PHACTR3: variants seen among roughly 807,000 people sequenced by gnomAD.
PHACTR3 encodes the protein phosphatase and actin regulator 3.
In PHACTR3, 16 loss-of-function variants were observed where a neutral mutation model predicts 66.8. The observed-to-expected ratio is 0.24, with a 90% CI of 0.16 to 0.36. The LOEUF (loss-of-function observed/expected upper bound fraction) is 0.36, where lower values mean the gene tolerates loss of function less well. Among genes scored for constraint, PHACTR3 ranks in the 10% least tolerant of loss-of-function variants. The pLI, the probability that PHACTR3 is intolerant of heterozygous loss-of-function variation, is 1.00. For synonymous variants in PHACTR3, 323 were observed against 292.1 expected (o/e 1.11, Z -1.08); for missense variants, 647 against 719.9 (o/e 0.90, Z 1.16).
intron 9 of PHACTR3, among the ~76,000 whole-genome samples, chr20:59,838,867 G>A (rs2059010641): frequency 6.6e-6 from 1 of 152,054 alleles, no homozygotes; most frequent in Non-Finnish European, 1.5e-5. Flanking sequence ...TATCACTAAG[G>A]GGAGCTCAGA....
At chr20:59,582,204 C>G (rs576493671) in intron 1 of PHACTR3, among the ~76,000 whole-genome samples, 21 of 152,300 alleles carry the variant, frequency 1.4e-4, no homozygotes, top group African/African-American at 4.6e-4. Context: ...TAAGCATGTG[C>G]TTTTTAAAGA....
chr20:59,598,039 C>T (rs552743179), intron 1 of PHACTR3, among the ~76,000 whole-genome samples: 1 of 152,306 alleles, frequency 6.6e-6, no homozygotes, highest in South Asian at 2.1e-4. Context: ...GGAAAAGTCA[C>T]CTGGAGGTCT....
chr20:59,587,257 C>T (rs1432343773), intron 1 of PHACTR3, among the ~76,000 whole-genome samples: 6 of 152,202 alleles, frequency 3.9e-5, no homozygotes, highest in Non-Finnish European at 5.9e-5. Context: ...TATGAGCGCA[C>T]CTTTCTTCCG....
intron 1 of PHACTR3, among the ~76,000 whole-genome samples, chr20:59,719,632 G>A (rs895401836): frequency 6.6e-6 from 1 of 152,134 alleles, no homozygotes; most frequent in African/African-American, 2.4e-5. Flanking sequence ...GCAACCCCTA[G>A]CTTACTTGAA....
In PHACTR3 at chr20:59,808,294, C is replaced by T. The variant is rs188240948; in HGVS notation, c.1328+2100C>T. 8.8e-4 allele frequency among the ~76,000 whole-genome samples: 134 copies of T among 152,370 alleles called. 2 individuals carry two copies. The highest frequency in any genetic ancestry group is 1.7e-3 in the Non-Finnish European group (115 of 68,038). ...GTGCCAAGAGCCACTGAGCAGGCAT[C>T]GGTGGGCTTTCAGAGGAAAGTCATG... On this transcript the variant is annotated intron_variant, in intron 8 of 12. Coordinates refer to ENST00000371015, the MANE Select transcript of PHACTR3 (RefSeq NM_080672.5).
intron 1 of PHACTR3, among the ~76,000 whole-genome samples, chr20:59,710,910 C>A (rs966373710): frequency 2.6e-5 from 4 of 151,840 alleles, no homozygotes; most frequent in Admixed American, 2.6e-4. Context: ...AAAATAAAGT[C>A]TTTTTTCTTT....
chr20:59,683,268 G>C (rs142143109), intron 1 of PHACTR3, among the ~76,000 whole-genome samples: 173 of 152,300 alleles, frequency 1.1e-3, no homozygotes, highest in African/African-American at 3.9e-3. Flanking sequence ...TGGCTACAGT[G>C]AATTTGGAGC....
At chr20:59,707,046 G>A (rs945574861) in intron 1 of PHACTR3, among the ~76,000 whole-genome samples, 1 of 152,118 alleles carries the variant, frequency 6.6e-6, no homozygotes, top group Non-Finnish European at 1.5e-5. Context: ...AAAATAGTCC[G>A]ACTTGAGCTG....
chr20:59,592,466 TC>T (rs1173916463), intron 1 of PHACTR3, among the ~76,000 whole-genome samples: 1 of 152,188 alleles, frequency 6.6e-6, no homozygotes, highest in East Asian at 1.9e-4. Context: ...TCACCCACAG[TC>T]CCTGGTTTAC....
intron 1 of PHACTR3, among the ~76,000 whole-genome samples, chr20:59,608,609 T>C (rs1442427048): frequency 6.6e-6 from 1 of 152,176 alleles, no homozygotes; most frequent in African/African-American, 2.4e-5. Flanking sequence ...GGTCCCAGGC[T>C]GCCTCCTGGG....
At position 59,843,047 on chromosome 20, in the gene PHACTR3, A is replaced by G. The variant is rs949370212; in HGVS notation, c.1587+1512A>G. ...AGCCATAGGATACACAAAATCACAC[A>G]AAAATTAGTAGCATTTCTATAAACT... On this transcript the variant is annotated intron_variant, in intron 11 of 12. Transcript: ENST00000371015. Among the ~76,000 whole-genome samples the G allele has an allele frequency of 3.3e-5, 5 of 152,320 alleles. No individual in the cohort carries two copies. The East Asian group carries it at 5.8e-4, about 18-fold the overall frequency.
chr20:59,812,411 C>G (rs564008331), intron 8 of PHACTR3, among the ~76,000 whole-genome samples: 2 of 152,226 alleles, frequency 1.3e-5, no homozygotes, highest in Non-Finnish European at 2.9e-5. Context: ...AGGTGTCCTC[C>G]CGGGCTGTGG....
intron 1 of PHACTR3, among the ~76,000 whole-genome samples, chr20:59,623,098 G>A (rs1036176561): frequency 1.3e-5 from 2 of 151,436 alleles, no homozygotes; most frequent in African/African-American, 4.9e-5. Context: ...GCAGGGAAGG[G>A]AAAATAAATG....
chr20:59,720,664 C>T (rs930946391), intron 1 of PHACTR3, among the ~76,000 whole-genome samples: 33 of 152,190 alleles, frequency 2.2e-4, no homozygotes, highest in African/African-American at 8.0e-4. Context: ...TCAGCTCTTC[C>T]AAATTGTGTT....
chr20:59,665,150 C>T (rs951393327), intron 1 of PHACTR3, among the ~76,000 whole-genome samples: 5 of 152,340 alleles, frequency 3.3e-5, no homozygotes, highest in East Asian at 1.9e-4. Context: ...ACTTCCTTAA[C>T]GGTTCCCCTT....
At chr20:59,761,353 C>T (rs1325227040) in intron 4 of PHACTR3, among the ~76,000 whole-genome samples, 2 of 152,136 alleles carry the variant, frequency 1.3e-5, no homozygotes, top group African/African-American at 2.4e-5. Flanking sequence ...GTGGAGGAAC[C>T]TCATCTGGGA....
At chr20:59,789,139 C>A (rs2041014972) in intron 7 of PHACTR3, among the ~76,000 whole-genome samples, 1 of 152,172 alleles carries the variant, frequency 6.6e-6, no homozygotes, top group Non-Finnish European at 1.5e-5. Flanking sequence ...AGTGGAGACC[C>A]CTGGGTTAGC....
At chr20:59,836,876 C>T (rs1295304452) in intron 9 of PHACTR3, among the ~76,000 whole-genome samples, 1 of 152,130 alleles carries the variant, frequency 6.6e-6, no homozygotes, top group Non-Finnish European at 1.5e-5. Context: ...TTCTTCATGG[C>T]TATAGAAATC....
At chr20:59,722,059 T>C (rs528677448) in intron 1 of PHACTR3, among the ~76,000 whole-genome samples, 2 of 152,048 alleles carry the variant, frequency 1.3e-5, no homozygotes, top group South Asian at 4.2e-4. Flanking sequence ...TGAAACCCCA[T>C]ATCTACTAAA....
Sources: gnomAD v4.1 joint callset for allele counts (sites outside exome capture counted in the v4.1 genomes callset) on GRCh38, gnomAD v4.1.1 for gene constraint, MANE v1.5 for transcripts, NCBI Gene and HGNC (gene_info 2026-07-23, HGNC 2026-07-21) for gene names.